Variants in USP46 observed in about 807,000 individuals in gnomAD.
USP46 encodes the protein ubiquitin carboxyl-terminal hydrolase 46.
In USP46, 12 loss-of-function variants were observed where a neutral mutation model predicts 44.4. That is an observed-to-expected ratio of 0.27 (90% CI 0.17 to 0.44). The LOEUF (loss-of-function observed/expected upper bound fraction) is 0.44, where lower values mean the gene tolerates loss of function less well. USP46 is among the 20% of genes least tolerant of loss of function. The pLI is 1.00. For synonymous variants in USP46, 155 were observed against 161.5 expected (o/e 0.96, Z 0.31); for missense variants, 248 against 444.8 (o/e 0.56, Z 3.98).
intron 4 of USP46, among the ~76,000 whole-genome samples, chr4:52,612,221 T>C (rs1577666945): frequency 6.6e-6 from 1 of 152,262 alleles, no homozygotes; most frequent in South Asian, 2.1e-4. Context: ...AACTAGGTTA[T>C]ACAACTACAT....
intron 2 of USP46, among the ~76,000 whole-genome samples, chr4:52,629,150 G>A (rs1717710759): frequency 6.6e-6 from 1 of 152,190 alleles, no homozygotes; most frequent in African/African-American, 2.4e-5. Flanking sequence ...ACTGGTTGTT[G>A]GCTTGTGTGT....
intron 5 of USP46, 44 bp from the exon 6 acceptor site, chr4:52,604,628 A>T: frequency 3.8e-6 from 5 of 1,327,070 alleles, no homozygotes; most frequent in Non-Finnish European, 5.3e-6. Context: ...GTCCAAATCT[A>T]CTTGGTATAC....
chr4:52,597,862 T>C, intron 8 of USP46, 121 bp from the exon 9 acceptor site: 1 of 741,912 alleles, frequency 1.3e-6, no homozygotes, highest in Non-Finnish European at 2.1e-6. Flanking sequence ...AAATCATCAT[T>C]AGGAACTTTC....
At chr4:52,610,718 T>G in intron 4 of USP46, 101 bp from the exon 5 acceptor site, 1 of 1,127,640 alleles carries the variant, frequency 8.9e-7, no homozygotes, top group South Asian at 1.4e-5. Context: ...AAACCATAAC[T>G]GCAGTTAAAG....
At chr4:52,639,080 T>C (rs1718231845) in intron 1 of USP46, among the ~76,000 whole-genome samples, 1 of 152,190 alleles carries the variant, frequency 6.6e-6, no homozygotes, top group Non-Finnish European at 1.5e-5. Flanking sequence ...GGCTTAAATA[T>C]GTTAAATGTA....
intron 4 of USP46, among the ~76,000 whole-genome samples, chr4:52,621,499 T>C (rs1287572163): frequency 1.3e-5 from 2 of 151,978 alleles, no homozygotes; most frequent in Non-Finnish European, 2.9e-5. Flanking sequence ...CTACTAAAAA[T>C]ACAAAAATTA....
intron 4 of USP46, among the ~76,000 whole-genome samples, chr4:52,625,651 T>G (rs972260342): frequency 1.3e-5 from 2 of 152,150 alleles, no homozygotes; most frequent in East Asian, 3.9e-4. Context: ...GCTGACTGCC[T>G]CTAAACTGGG....
At chr4:52,601,810 C>G (rs754811263) in intron 7 of USP46, 47 bp downstream of exon 7, 1 of 1,570,096 alleles carries the variant, frequency 6.4e-7, no homozygotes, top group East Asian at 2.3e-5. Context: ...AGCGAAGAGG[C>G]AACCCTTACA....
chr4:52,606,948 C>A (rs1716708098), intron 5 of USP46, among the ~76,000 whole-genome samples: 1 of 152,092 alleles, frequency 6.6e-6, no homozygotes, highest in South Asian at 2.1e-4. Context: ...CTTGTTTTGG[C>A]TGCATGGGAT....
chr4:52,609,196 T>G (rs559891099), intron 5 of USP46, among the ~76,000 whole-genome samples: 1 of 152,132 alleles, frequency 6.6e-6, no homozygotes, highest in African/African-American at 2.4e-5. Context: ...TAAACACTAT[T>G]TATATCATTT....
At position 52,601,952 on chromosome 4, in the gene USP46, G is replaced by A; in HGVS notation, c.825C>T (p.Val275=). The change falls in exon 7 of 9, where the codon GTC becomes GTT. Residue 275 remains valine, a synonymous_variant. Transcript: ENST00000441222. Reference sequence around the variant, plus strand: ...TGAAGAGCCGGAGTTCCAGAGGGAAGACCACACGGTAAGACAGCTTGGTGT... The same window carrying A: ...TGAAGAGCCGGAGTTCCAGAGGGAAAACCACACGGTAAGACAGCTTGGTGT... ...HRYTKLSYRV[V]FPLELRLFNT... 6.2e-7 allele frequency: 1 copy of A among 1,614,008 alleles called. No individual in the cohort carries two copies. The highest frequency in any genetic ancestry group is 8.5e-7 in the Non-Finnish European group (1 of 1,179,898).
intron 1 of USP46, among the ~76,000 whole-genome samples, chr4:52,651,568 A>C (rs1223348098): frequency 6.6e-6 from 1 of 152,226 alleles, no homozygotes; most frequent in Non-Finnish European, 1.5e-5. Context: ...CCACCAGTAT[A>C]TATTCAAGCA....
chr4:52,627,727 T>C lies in USP46; in HGVS notation c.331+223A>G, dbSNP rs114074951. Among the ~76,000 whole-genome samples the C allele has an allele frequency of 7.6e-3, 1,162 of 152,336 alleles. 19 individuals carry two copies. The highest frequency in any genetic ancestry group is 0.027 in the African/African-American group (1,104 of 41,566). ...GAGCAAATAAAATGGTCATTCTAAA[T>C]TGGAATAATAAATGTGCGTTTTTAA... On this transcript the variant is annotated intron_variant, in intron 3 of 8. Transcript: ENST00000441222.
At chr4:52,655,953 AAG>A (rs1457328510) in intron 1 of USP46, among the ~76,000 whole-genome samples, 8 of 152,226 alleles carry the variant, frequency 5.3e-5, no homozygotes, top group Non-Finnish European at 7.3e-5. Flanking sequence ...GTATGGGGAA[AAG>A]AGGGGATGTT....
At chr4:52,626,616 C>T (rs889036265) in intron 3 of USP46, among the ~76,000 whole-genome samples, 1 of 152,134 alleles carries the variant, frequency 6.6e-6, no homozygotes, top group African/African-American at 2.4e-5. Flanking sequence ...AGCCACCGCG[C>T]CTGGCCCATA....
At chr4:52,598,817 A>C in intron 7 of USP46, 111 bp from the exon 8 acceptor site, 1 of 1,004,514 alleles carries the variant, frequency 1.0e-6, no homozygotes, top group East Asian at 2.6e-5. Context: ...CTATGTCATC[A>C]GCGTAAAGAA....
rs1716153615 is a variant in USP46 at position 52,594,608 on chromosome 4, A to G, written c.*3032T>C. 6.6e-6 allele frequency: 1 copy of G among 152,224 alleles called. No homozygotes were observed. The highest frequency in any genetic ancestry group is 1.5e-5 in the Non-Finnish European group (1 of 68,036). 9.4% of individuals were successfully genotyped at this position (152,224 alleles called of 1,614,324 possible). A position where few individuals can be genotyped will look rare whatever the true frequency, so the allele number is the denominator to read the frequency against. On this transcript the variant is annotated 3_prime_UTR_variant, in exon 9 of 9. Coordinates refer to ENST00000441222, the MANE Select transcript of USP46 (RefSeq NM_022832.4). ...AATATACAAAGTTGATCAAAATGCA[A>G]TGTTGAAAGATAAAATCCATCTGTA...
chr4:52,594,204 CA>C lies in USP46; in HGVS notation c.*3435del, dbSNP rs1332308448. On this transcript the variant is annotated 3_prime_UTR_variant, in exon 9 of 9. Transcript: ENST00000441222. The stretch of plus-strand genomic sequence containing the variant: ...ATTTTATTCATTTATTTATTTTTTG[CA>C]AACAATTTTAGAGGCAGGGTGTTAA... The C allele has an allele frequency of 1.3e-5, 2 of 152,080 alleles. No homozygotes were observed. The highest frequency in any genetic ancestry group is 2.9e-5 in the Non-Finnish European group (2 of 68,004). 9.4% of individuals were successfully genotyped at this position (152,080 alleles called of 1,614,324 possible).
chr4:52,608,016 G>A (rs2109603288), intron 5 of USP46, among the ~76,000 whole-genome samples: 1 of 152,266 alleles, frequency 6.6e-6, no homozygotes, highest in East Asian at 1.9e-4. Context: ...TCAATTGATG[G>A]TTCACAGTCA....
Sources: allele counts gnomAD v4.1 joint callset (sites outside exome capture counted in the v4.1 genomes callset), GRCh38; gene constraint gnomAD v4.1.1; transcripts MANE v1.5; gene names NCBI Gene and HGNC (gene_info 2026-07-23, HGNC 2026-07-21).